The following CLIC5 variants were observed in gnomAD, a reference collection of about 807,000 sequenced individuals.
CLIC5 encodes CLIC family member 5, also known as chloride intracellular channel protein 5.
A neutral mutation model predicts 24.7 loss-of-function variants in CLIC5; 20 were observed. The ratio of observed to expected loss-of-function variants is 0.81; its 90% confidence interval spans 0.57 to 1.18. The LOEUF (loss-of-function observed/expected upper bound fraction) is 1.18, where lower values mean the gene tolerates loss of function less well. CLIC5 is among the 50% of genes most tolerant of loss of function. The probability of loss-of-function intolerance (pLI) is 0.00; values close to 1 mark genes in which losing one functional copy is unlikely to be tolerated. For missense variants in CLIC5, 341 were observed against 326.1 expected, an observed-to-expected ratio of 1.05 and a Z score of -0.35; for synonymous variants, 159 against 135.6, an observed-to-expected ratio of 1.17 and a Z score of -1.20.
intron 1 of CLIC5, among the ~76,000 whole-genome samples, chr6:46,056,133 G>A (rs988664348): frequency 6.6e-6 from 1 of 152,096 alleles, no homozygotes; most frequent in African/African-American, 2.4e-5. Flanking sequence ...TAAAAACTGA[G>A]GCACAGAGAA....
At chr6:46,079,988 A>T in exon 1 of CLIC5, 1 of 1,551,702 alleles carries the variant, frequency 6.4e-7, no homozygotes. Flanking sequence ...AGTATATCTC[A>T]TCAGGCAGGA....
chr6:45,928,623 A>G (rs563791192), intron 4 of CLIC5, among the ~76,000 whole-genome samples: 65 of 152,338 alleles, frequency 4.3e-4, no homozygotes, highest in Non-Finnish European at 1.6e-4. Context: ...ATTGTGTCCC[A>G]TCATGAATAT....
At position 45,920,778 on chromosome 6, in the gene CLIC5, C is replaced by T. The variant is rs80072560; in HGVS notation, c.407-6369G>A. On this transcript the variant is annotated intron_variant, in intron 4 of 5. Coordinates refer to ENST00000339561, the MANE Select transcript of CLIC5 (RefSeq NM_016929.5). ...GCGGGATGTAGGAGCCCCAGCAGGG[C>T]CCAGGAGGATTGGGAGGGTGAGGAA... 201 of 354,032 alleles carry T rather than the reference C, an allele frequency of 5.7e-4. 1 individual carries two copies. Among genetic ancestry groups the T allele is most frequent in the African/African-American group, 4.0e-3 (179 of 45,022 alleles). The allele number at this position is 354,032 out of a possible 1,614,324, so 21.9% of individuals were successfully genotyped here.
intron 4 of CLIC5, among the ~76,000 whole-genome samples, chr6:45,924,404 T>C (rs935437045): frequency 2.6e-5 from 4 of 152,184 alleles, no homozygotes; most frequent in Non-Finnish European, 5.9e-5. Context: ...AGCAGTTCCC[T>C]GGATACCCTA....
At chr6:45,993,424 T>C (rs1179334204) in intron 1 of CLIC5, among the ~76,000 whole-genome samples, 1 of 152,226 alleles carries the variant, frequency 6.6e-6, no homozygotes, top group Admixed American at 6.5e-5. Context: ...CTCGAAATGC[T>C]TAGCTTTACA....
chr6:46,004,504 C>A (rs558710727), intron 1 of CLIC5, among the ~76,000 whole-genome samples: 30 of 152,242 alleles, frequency 2.0e-4, no homozygotes, highest in African/African-American at 7.0e-4. Context: ...CGCAGGGTGG[C>A]AGAACTACAG....
chr6:46,127,899 G>A, the CLIC5 span, among the ~76,000 whole-genome samples: 1 of 152,136 alleles, frequency 6.6e-6, no homozygotes, highest in Non-Finnish European at 1.5e-5. Context: ...GAATTACATG[G>A]TTCCTGTTGC....
chr6:45,981,111 C>A (rs572915224), intron 1 of CLIC5, among the ~76,000 whole-genome samples: 2 of 151,946 alleles, frequency 1.3e-5, no homozygotes, highest in South Asian at 2.1e-4. Context: ...GCTGAAACTA[C>A]AATATTTACC....
intron 1 of CLIC5, among the ~76,000 whole-genome samples, chr6:46,058,161 C>A (rs1768313462): frequency 6.6e-6 from 1 of 152,086 alleles, no homozygotes. Flanking sequence ...TCATTTTTAT[C>A]ATTTCAATAC....
the CLIC5 span, among the ~76,000 whole-genome samples, chr6:46,120,431 T>G: frequency 6.6e-6 from 1 of 152,168 alleles, no homozygotes; most frequent in African/African-American, 2.4e-5. Context: ...ACCCCATCTG[T>G]ACGTCACCAT....
intron 5 of CLIC5, among the ~76,000 whole-genome samples, 158 bp from the exon 6 acceptor site, chr6:45,903,413 C>G (rs1762563617): frequency 6.6e-6 from 1 of 152,150 alleles, no homozygotes; most frequent in Non-Finnish European, 1.5e-5. Flanking sequence ...GCAGTGCTGT[C>G]TTCTTTTTGT....
chr6:45,949,298 T>C lies in CLIC5; in HGVS notation c.257A>G (p.Asn86Ser), dbSNP rs1366703852. 4 of 1,613,888 alleles carry C rather than the reference T, an allele frequency of 2.5e-6. No homozygotes were observed. The East Asian group carries it at 8.9e-5, about 36-fold the overall frequency. ...CTCCTCCAGGAACTCCTCGATCTTA[T>C]TGACGTCTGTCTTCACGTCCCCGTT... ...TFNGDVKTDV[N>S]KIEEFLEETL... Residue 86 changes from asparagine to serine, a missense_variant, in exon 3 of 6, where the codon AAT becomes AGT. Transcript: ENST00000339561.
upstream of CLIC5, among the ~76,000 whole-genome samples, chr6:46,016,322 G>A (rs998464836): frequency 6.6e-6 from 1 of 152,110 alleles, no homozygotes; most frequent in Non-Finnish European, 1.5e-5. Context: ...TACCCACTTG[G>A]AAAGCCCTTC....
chr6:46,128,728 T>A, the CLIC5 span, among the ~76,000 whole-genome samples: 2 of 152,148 alleles, frequency 1.3e-5, no homozygotes, highest in Non-Finnish European at 2.9e-5. Context: ...AACCAGGTTC[T>A]AGGGTCTGCA....
the CLIC5 span, chr6:46,122,917 T>G: frequency 1.3e-5 from 2 of 152,058 alleles, no homozygotes; most frequent in South Asian, 2.1e-4. Context: ...AATAACAGGC[T>G]CTGAAATTAA....
chr6:45,948,557 G>GT (rs1342329255), intron 3 of CLIC5, among the ~76,000 whole-genome samples: 1 of 152,130 alleles, frequency 6.6e-6, no homozygotes, highest in Non-Finnish European at 1.5e-5. Flanking sequence ...TATTTTTCTA[G>GT]TTTTTTCAAA....
chr6:46,015,803 C>A lies in CLIC5; in HGVS notation c.-261G>T. On this transcript the variant is annotated 5_prime_UTR_variant, in exon 1 of 6. Transcript: ENST00000339561. Reference sequence around the variant, plus strand: ...CCGGGTTAAGGGAATGACAACAGGTCGTGGGAGCAACAAGTGCCGGGCTGC... The same window carrying A: ...CCGGGTTAAGGGAATGACAACAGGTAGTGGGAGCAACAAGTGCCGGGCTGC... The A allele has an allele frequency of 1.7e-6, 2 of 1,195,094 alleles. No individual in the cohort carries two copies. The highest frequency in any genetic ancestry group is 2.1e-6 in the Non-Finnish European group (2 of 964,096). 74.0% of individuals were successfully genotyped at this position (1,195,094 alleles called of 1,614,324 possible).
intron 1 of CLIC5, among the ~76,000 whole-genome samples, chr6:46,026,548 A>C (rs929214493): frequency 6.6e-6 from 1 of 152,204 alleles, no homozygotes; most frequent in South Asian, 2.1e-4. Context: ...CTATCCCCAT[A>C]AAACTTGGTT....
At position 46,015,518 on chromosome 6, in the gene CLIC5, C is replaced by T; in HGVS notation, c.25G>A (p.Gly9Arg). 6.3e-7 allele frequency: 1 copy of T among 1,577,674 alleles called. No individual in the cohort carries two copies. MTDSATAN[G>R]DDRDPEIELF... ...TCGATCTCGGGGTCCCTGTCGTCCC[C>T]GTTAGCTGTCGCCGAGTCTGTCATG... The change falls in exon 1 of 6, where the codon GGG becomes AGG. Residue 9 changes from glycine (G) to arginine (R), a missense_variant. Transcript: ENST00000339561.
Sources: gnomAD v4.1 joint callset for allele counts (sites outside exome capture counted in the v4.1 genomes callset) on GRCh38, gnomAD v4.1.1 for gene constraint, MANE v1.5 for transcripts, NCBI Gene and HGNC (gene_info 2026-07-23, HGNC 2026-07-21) for gene names.